Variants in ARHGAP30 observed in about 807,000 individuals in gnomAD.
ARHGAP30 encodes rho GTPase-activating protein 30.
ARHGAP30 carries 23 observed loss-of-function variants against 72.0 expected under a neutral mutation model. That is an observed-to-expected ratio of 0.32 (90% CI 0.23 to 0.45). ARHGAP30 has a LOEUF of 0.45. Among genes scored for constraint, ARHGAP30 ranks in the 20% least tolerant of loss-of-function variants. ARHGAP30 has a pLI of 1.00. For synonymous variants in ARHGAP30, 576 were observed against 528.2 expected (o/e 1.09, Z -1.24); for missense variants, 1,319 against 1,383.4 (o/e 0.95, Z 0.74).
At chr1:161,064,808 AAAG>A (rs1652597389) in intron 1 of ARHGAP30, among the ~76,000 whole-genome samples, 2 of 72,940 alleles carry the variant, frequency 2.7e-5, no homozygotes, top group Non-Finnish European at 5.3e-5. Flanking sequence ...AGAAAGAAAG[AAAG>A]AAAGAAAGAA....
Position 161,048,262 on chromosome 1 carries a change from A to G in ARHGAP30, c.2759T>C (p.Val920Ala). ...LCPCSLGLGG[V>A]GMRLASTLVQ... ...CAGAGTGGAAGCTAGACGCATGCCC[A>G]CGCCACCCAGGCCAAGAGAACAGGG... Residue 920 changes from valine to alanine, a missense_variant, in exon 12 of 12, where the codon GTG (valine) becomes GCG (alanine). Around this residue, in one of 2 missense-constraint regions of ARHGAP30, gnomAD observed 1,097 missense variants for 1,045.2 expected, o/e 1.05. Coordinates refer to ENST00000368013, the MANE Select transcript of ARHGAP30 (RefSeq NM_001025598.2). The G allele has an allele frequency of 6.2e-7, 1 of 1,614,180 alleles. No homozygotes were observed. The highest frequency in any genetic ancestry group is 8.5e-7 in the Non-Finnish European group (1 of 1,180,022).
In ARHGAP30 at chr1:161,053,493, TC is replaced by T. The variant is rs1557923686; in HGVS notation, c.537-109del. On this transcript the variant is annotated intron_variant, in intron 5 of 11. Transcript: ENST00000368013. ...CTCTCTCTCTCTCTCTCTCTCTCTC[TC>T]TCTCTCTCTCTCGAATGACCTTAAC... 280 of 947,754 alleles carry T rather than the reference TC, an allele frequency of 3.0e-4. 1 individual carries two copies. The African/African-American group carries it at 5.2e-3, about 18-fold the overall frequency. The allele number at this position is 947,754 out of a possible 1,614,324, so 58.7% of individuals were successfully genotyped here.
intron 1 of ARHGAP30, 130 bp from the exon 2 acceptor site, chr1:161,059,846 A>G (rs528554687): frequency 2.8e-6 from 2 of 712,480 alleles, no homozygotes; most frequent in East Asian, 5.5e-5. Context: ...ACTTGTCAGA[A>G]CAATTCTTAC....
chr1:161,064,787 GA>G (rs1423855759), intron 1 of ARHGAP30, among the ~76,000 whole-genome samples: 1 of 62,788 alleles, frequency 1.6e-5, no homozygotes, highest in Non-Finnish European at 2.9e-5. Context: ...GAAAAAGAAA[GA>G]AAGAAAGAAA....
chr1:161,047,662 C>G lies in ARHGAP30; in HGVS notation c.*53G>C. 1 of 1,488,070 alleles carries G rather than the reference C, an allele frequency of 6.7e-7. No homozygotes were observed. 92.2% of individuals were successfully genotyped at this position (1,488,070 alleles called of 1,614,324 possible). A position where few individuals can be genotyped will look rare whatever the true frequency, so the allele number is the denominator to read the frequency against. ...CAGAGGAGACAGCTAGTCAGGAACC[C>G]TGGAGATTCAAGACAACTTGCTGGT... On this transcript the variant is annotated 3_prime_UTR_variant, in exon 12 of 12. Coordinates refer to ENST00000368013, the MANE Select transcript of ARHGAP30 (RefSeq NM_001025598.2).
intron 1 of ARHGAP30, among the ~76,000 whole-genome samples, chr1:161,068,305 G>A (rs1042013697): frequency 2.0e-5 from 3 of 152,218 alleles, no homozygotes; most frequent in Non-Finnish European, 4.4e-5. Flanking sequence ...ACTCTGCCCA[G>A]TGAGAAGAGG....
chr1:161,055,717 G>C (rs1651767876), intron 3 of ARHGAP30, among the ~76,000 whole-genome samples: 1 of 151,404 alleles, frequency 6.6e-6, no homozygotes, highest in South Asian at 2.1e-4. Flanking sequence ...CTGGGAGGCG[G>C]AGGTTGCAGT....
Position 161,049,200 on chromosome 1 carries a change from T to A in ARHGAP30, c.1821A>T (p.Glu607Asp), listed in dbSNP as rs531763065. The change falls in exon 12 of 12, where the codon GAA (glutamate) becomes GAT (aspartate). Residue 607 changes from glutamate to aspartate, a missense_variant. Glu to Asp is a conservative substitution (Grantham distance 45). Transcript: ENST00000368013. The part of the protein sequence containing the change: ...RPEVEEENGE[E>D]VFLSAYDDLS... ...GGTCATCATAGGCACTCAGGAAAAC[T>A]TCCTCCCCATTTTCCTCCTCAACTT... 22 of 1,614,042 alleles carry A rather than the reference T, an allele frequency of 1.4e-5. No homozygotes were observed. The highest frequency in any genetic ancestry group is 1.7e-5 in the Non-Finnish European group (20 of 1,179,962).
rs538322174 is a variant in ARHGAP30 at position 161,069,891 on chromosome 1, C to T, written c.-267G>A. 4 of 525,816 alleles carry T rather than the reference C, an allele frequency of 7.6e-6. No homozygotes were observed. The highest frequency in any genetic ancestry group is 6.3e-5 in the Admixed American group (2 of 31,666). The allele number at this position is 525,816 out of a possible 1,614,324, so 32.6% of individuals were successfully genotyped here. On this transcript the variant is annotated 5_prime_UTR_variant, in exon 1 of 12. Transcript: ENST00000368013. This position sits in a 1 kb window ranked among gnomAD's most constrained non-coding sequence, Gnocchi z 4.9. ...GTGTCTCGTGGCCCAGCCTGGCACTCGCCCTCCTCGCCCCGCTCAGCTTTA... is the reference window on the plus strand; with the variant it reads ...GTGTCTCGTGGCCCAGCCTGGCACTTGCCCTCCTCGCCCCGCTCAGCTTTA...
rs754437033 is a variant in ARHGAP30, at chr1:161,054,465, T to C, written c.437A>G (p.Glu146Gly). The C allele has an allele frequency of 4.3e-6, 7 of 1,613,716 alleles. No homozygotes were observed. Reference protein sequence around the residue: ...ELPVPNYRTLEFLMRHLVHMA... With the variant: ...ELPVPNYRTLGFLMRHLVHMA... ...GTGTACCAAGTGCCTCATGAGGAAC[T>C]CCAGGGTCCTGCAGAAAGCGGGGGC... Residue 146 changes from glutamate (E) to glycine (G), a missense_variant, in exon 5 of 12, where the codon GAG (glutamate) becomes GGG (glycine). Physicochemically the swap from Glu to Gly is moderately conservative, Grantham distance 98. Around this residue, in one of 2 missense-constraint regions of ARHGAP30, gnomAD observed 222 missense variants for 338.2 expected, o/e 0.66. Transcript: ENST00000368013.
chr1:161,054,597 C>T, intron 4 of ARHGAP30, 26 bp downstream of exon 4: 1 of 1,612,030 alleles, frequency 6.2e-7, no homozygotes, highest in Admixed American at 1.7e-5. Flanking sequence ...TCTCAGGTTG[C>T]TGGGCAGATA....
chr1:161,052,754 C>A lies in ARHGAP30; in HGVS notation c.708G>T (p.Arg236=). Residue 236 remains arginine, a synonymous_variant, in exon 7 of 12, where the codon CGG becomes CGT. Coordinates refer to ENST00000368013, the MANE Select transcript of ARHGAP30 (RefSeq NM_001025598.2). Reference sequence around the variant, plus strand: ...TAAGGTCCTCGGGGCTGCCTGATGCCCGGGTCCCTGGAAGCGATCGCCACC... The same window carrying A: ...TAAGGTCCTCGGGGCTGCCTGATGCACGGGTCCCTGGAAGCGATCGCCACC... The part of the protein sequence containing the change: ...ESGWRSLPGT[R]ASGSPEDLMP... The A allele has an allele frequency of 6.2e-7, 1 of 1,611,886 alleles. No homozygotes were observed. Among genetic ancestry groups the A allele is most frequent in the Non-Finnish European group, 8.5e-7 (1 of 1,179,950 alleles).
chr1:161,050,456 G>A (rs1016190995), intron 10 of ARHGAP30, among the ~76,000 whole-genome samples: 10 of 150,400 alleles, frequency 6.6e-5, no homozygotes, highest in Non-Finnish European at 7.4e-5. Context: ...GCCTCACCAC[G>A]CACGCCTGGC....
At position 161,047,569 on chromosome 1, in the gene ARHGAP30, C is replaced by CGGTGGTCG; in HGVS notation, c.*145_*146insCGACCACC. 2.5e-6 allele frequency: 2 copies of CGGTGGTCG among 811,804 alleles called. No homozygotes were observed. Among genetic ancestry groups the CGGTGGTCG allele is most frequent in the South Asian group, 3.5e-5 (1 of 28,396 alleles). The allele number at this position is 811,804 out of a possible 1,614,324, so 50.3% of individuals were successfully genotyped here. A position where few individuals can be genotyped will look rare whatever the true frequency, so the allele number is the denominator to read the frequency against. On this transcript the variant is annotated 3_prime_UTR_variant, in exon 12 of 12. Transcript: ENST00000368013. ...AGGTAAACCAACCAAGGCAGTGCCT[C>CGGTGGTCG]CCACAGTCAAAGAGAGAAGCTGGAG... is the stretch of plus-strand genomic sequence containing the variant.
At position 161,051,675 on chromosome 1, in the gene ARHGAP30, G is replaced by C. The variant is rs781340778; in HGVS notation, c.1059C>G (p.Ser353Arg). ...GLVGPSSPRP[S>R]PLLPESLEND... Reference sequence around the variant, plus strand: ...TCTCCAAGCTCTCAGGCAGCAATGGGCTTGGCCGGGGGCTGCTGGGCCCCA... The same window carrying C: ...TCTCCAAGCTCTCAGGCAGCAATGGCCTTGGCCGGGGGCTGCTGGGCCCCA... The change falls in exon 10 of 12, where the codon AGC becomes AGG. Residue 353 changes from serine to arginine, a missense_variant. Transcript: ENST00000368013. 1.9e-5 allele frequency: 31 copies of C among 1,612,412 alleles called. No homozygotes were observed. Among genetic ancestry groups the C allele is most frequent in the Admixed American group, 5.0e-5 (3 of 59,986 alleles).
Position 161,058,076 on chromosome 1 carries a change from G to T in ARHGAP30, c.200+1538C>A, listed in dbSNP as rs371984355. ...TGAGGCAGGAGAATCGCTTGAACCC[G>T]CAAGGTGGAGGTTGTGGTGAGCCAA... On this transcript the variant is annotated intron_variant, in intron 2 of 11. Transcript: ENST00000368013. Among the ~76,000 whole-genome samples the T allele has an allele frequency of 1.1e-3, 167 of 151,170 alleles. 2 individuals are homozygous for T. In the South Asian group the frequency reaches 0.025, roughly 23 times the overall value.
chr1:161,053,527 C>G (rs1169906309), intron 5 of ARHGAP30, 142 bp from the exon 6 acceptor site: 37 of 1,085,306 alleles, frequency 3.4e-5, no homozygotes, highest in Non-Finnish European at 4.6e-5. Context: ...AACCCCTTCT[C>G]TACCTCTTAA....
intron 9 of ARHGAP30, 89 bp from the exon 10 acceptor site, chr1:161,051,804 C>G (rs965956526): frequency 2.6e-5 from 38 of 1,444,268 alleles, no homozygotes; most frequent in Non-Finnish European, 3.4e-5. Flanking sequence ...ATGCTCTCTG[C>G]TTTCTCAGGC....
intron 1 of ARHGAP30, among the ~76,000 whole-genome samples, chr1:161,065,217 C>T (rs892142973): frequency 9.8e-5 from 15 of 152,310 alleles, no homozygotes; most frequent in Non-Finnish European, 5.9e-5. Flanking sequence ...CACAAGTGAT[C>T]TGCCTGCCTC....
Sources: allele counts gnomAD v4.1 joint callset (sites outside exome capture counted in the v4.1 genomes callset), GRCh38; gene constraint gnomAD v4.1.1; regional missense constraint gnomAD v4.1.1; non-coding constraint Gnocchi (gnomAD v3.1); transcripts MANE v1.5; gene names NCBI Gene and HGNC (gene_info 2026-07-23, HGNC 2026-07-21).